SORCS3: variants seen among roughly 807,000 people sequenced by gnomAD.
The protein encoded by SORCS3 is VPS10 domain-containing receptor SorCS3.
In SORCS3, 57 loss-of-function variants were observed where a neutral mutation model predicts 146.3. The ratio of observed to expected loss-of-function variants is 0.39; its 90% CI spans 0.31 to 0.49. The LOEUF (loss-of-function observed/expected upper bound fraction) is 0.49, where lower values mean the gene tolerates loss of function less well. SORCS3 is among the 20% of genes least tolerant of loss of function. The pLI, the probability that SORCS3 is intolerant of heterozygous loss-of-function variation, is 0.92. For synonymous variants in SORCS3, 653 were observed against 618.5 expected, an observed-to-expected ratio of 1.06 and a Z score of -0.83; for missense variants, 1,341 against 1,575.5, an observed-to-expected ratio of 0.85 and a Z score of 2.52.
intron 5 of SORCS3, among the ~76,000 whole-genome samples, chr10:105,071,577 G>A (rs929091631): frequency 1.3e-5 from 2 of 152,262 alleles, no homozygotes; most frequent in African/African-American, 2.4e-5. Context: ...TATGGGGCAC[G>A]TGAGATGTTT....
At chr10:104,978,703 T>A (rs2054916392) in intron 4 of SORCS3, among the ~76,000 whole-genome samples, 2 of 152,228 alleles carry the variant, frequency 1.3e-5, no homozygotes, top group African/African-American at 4.8e-5. Flanking sequence ...CCACCACTAC[T>A]CAAATATAAG....
chr10:104,930,199 A>C (rs2019193196), intron 3 of SORCS3, among the ~76,000 whole-genome samples: 1 of 152,236 alleles, frequency 6.6e-6, no homozygotes, highest in African/African-American at 2.4e-5. Context: ...AAAAAAAGGT[A>C]TAAGGTAAAT....
chr10:104,825,450 T>C lies in SORCS3; in HGVS notation c.628-17342T>C, dbSNP rs148552147. 2.0e-5 allele frequency among the ~76,000 whole-genome samples: 3 copies of C among 152,354 alleles called. No individual in the cohort carries two copies. The East Asian group carries it at 5.8e-4, about 29-fold the overall frequency. On this transcript the variant is annotated intron_variant, in intron 1 of 26. Transcript: ENST00000369701. ...TTTTCTCAAAGAAACAGATCACTTA[T>C]ATTAATATTTTCATTTGTGTTAATG...
intron 1 of SORCS3, among the ~76,000 whole-genome samples, chr10:104,782,649 A>G (rs186495854): frequency 1.2e-4 from 18 of 152,286 alleles, no homozygotes; most frequent in Non-Finnish European, 2.6e-4. Context: ...TGTTTGGCCA[A>G]CATGTGGTGA....
chr10:104,807,587 C>A (rs915514751), intron 1 of SORCS3, among the ~76,000 whole-genome samples: 2 of 152,152 alleles, frequency 1.3e-5, no homozygotes, highest in African/African-American at 4.8e-5. Context: ...TTTAGAGCGT[C>A]TCAGGTTGTG....
chr10:104,728,219 T>C (rs996098362), intron 1 of SORCS3, among the ~76,000 whole-genome samples: 6 of 152,198 alleles, frequency 3.9e-5, no homozygotes, highest in Non-Finnish European at 7.3e-5. Flanking sequence ...CATTATTTCC[T>C]TAAGATAAAT....
At chr10:105,034,956 C>T (rs536819025) in intron 4 of SORCS3, among the ~76,000 whole-genome samples, 25 of 152,312 alleles carry the variant, frequency 1.6e-4, no homozygotes, top group African/African-American at 6.0e-4. Context: ...CCCTAGTCCC[C>T]TCTTGTAGTC....
intron 1 of SORCS3, among the ~76,000 whole-genome samples, chr10:104,660,815 C>T (rs549778125): frequency 3.3e-4 from 50 of 152,254 alleles, no homozygotes; most frequent in Non-Finnish European, 6.6e-4. Context: ...CCAGAGATGC[C>T]TATTTCCTGT....
chr10:105,126,947 G>A (rs1396665962), intron 7 of SORCS3, among the ~76,000 whole-genome samples: 1 of 152,072 alleles, frequency 6.6e-6, no homozygotes, highest in Admixed American at 6.6e-5. Context: ...TATGTTGTTT[G>A]CTTTCCCAAA....
intron 5 of SORCS3, among the ~76,000 whole-genome samples, chr10:105,061,602 T>C (rs995550278): frequency 8.6e-5 from 13 of 151,178 alleles, no homozygotes; most frequent in Non-Finnish European, 1.8e-4. Context: ...GCCCCCTTTT[T>C]TTAAATAGAC....
At chr10:105,184,197 TTTG>T (rs557962404) in intron 14 of SORCS3, among the ~76,000 whole-genome samples, 240 of 152,300 alleles carry the variant, frequency 1.6e-3, no homozygotes, top group Non-Finnish European at 2.8e-3. Flanking sequence ...CCATAGGGCT[TTTG>T]TTGCAACTAT....
chr10:104,866,039 T>C (rs1248537736), intron 2 of SORCS3, among the ~76,000 whole-genome samples: 1 of 152,074 alleles, frequency 6.6e-6, no homozygotes, highest in Non-Finnish European at 1.5e-5. Context: ...AGAGAAGAAA[T>C]GCACATAGAA....
chr10:105,217,856 AG>A, intron 19 of SORCS3: 1 of 454,106 alleles, frequency 2.2e-6, no homozygotes, highest in Non-Finnish European at 4.4e-6. Context: ...TGTCGGGTCG[AG>A]GAAATGTTGT....
At chr10:104,968,738 T>A (rs1023043903) in intron 3 of SORCS3, among the ~76,000 whole-genome samples, 1 of 152,234 alleles carries the variant, frequency 6.6e-6, no homozygotes, top group Non-Finnish European at 1.5e-5. Context: ...TACCTATAAT[T>A]ATACATTGAA....
At chr10:104,727,245 A>G (rs185882132) in intron 1 of SORCS3, among the ~76,000 whole-genome samples, 2 of 152,332 alleles carry the variant, frequency 1.3e-5, no homozygotes, top group Admixed American at 6.5e-5. Flanking sequence ...GAGAGAATGT[A>G]TTGTAACTAT....
At chr10:105,005,026 C>T (rs555059497) in intron 4 of SORCS3, among the ~76,000 whole-genome samples, 5 of 152,130 alleles carry the variant, frequency 3.3e-5, no homozygotes, top group African/African-American at 7.2e-5. Flanking sequence ...TGATATAGTT[C>T]CTTATTAGCT....
chr10:104,834,923 A>G (rs2018048803), intron 1 of SORCS3, among the ~76,000 whole-genome samples: 1 of 152,068 alleles, frequency 6.6e-6, no homozygotes, highest in Admixed American at 6.5e-5. Flanking sequence ...TGAGAAAGGA[A>G]TCATGCTGAG....
At chr10:105,170,936 C>T (rs1179676409) in intron 13 of SORCS3, among the ~76,000 whole-genome samples, 1 of 152,060 alleles carries the variant, frequency 6.6e-6, no homozygotes, top group Non-Finnish European at 1.5e-5. Context: ...AGTGACAACC[C>T]TCAAGGTAAA....
At chr10:104,652,504 TCACCTCTCCTTC>T (rs1035217900) in intron 1 of SORCS3, among the ~76,000 whole-genome samples, 11 of 152,170 alleles carry the variant, frequency 7.2e-5, no homozygotes, top group African/African-American at 2.2e-4. Flanking sequence ...TTAGTTTACC[TCACCTCTCCTTC>T]ATTCCTTAAG....
Sources: allele counts gnomAD v4.1 joint callset (sites outside exome capture counted in the v4.1 genomes callset), GRCh38; gene constraint gnomAD v4.1.1; transcripts MANE v1.5; gene names NCBI Gene and HGNC (gene_info 2026-07-23, HGNC 2026-07-21).